The following CNBD1 variants were observed in gnomAD, a reference collection of about 807,000 sequenced individuals.
CNBD1 encodes cyclic nucleotide-binding domain-containing protein 1.
Under a neutral mutation model 54.4 loss-of-function variants are expected in CNBD1, and 71 were observed. The observed-to-expected ratio is 1.30, with a 90% CI of 1.08 to 1.59. The LOEUF is 1.59. Among genes scored for constraint, CNBD1 ranks in the 40% most tolerant of loss-of-function variants. The pLI is 0.00. For missense variants in CNBD1, 659 were observed against 518.0 expected (o/e 1.27, Z -2.64); for synonymous variants, 182 against 170.7 (o/e 1.07, Z -0.51).
intron 2 of CNBD1, among the ~76,000 whole-genome samples, chr8:87,388,354 T>A (rs1811235766): frequency 8.0e-6 from 1 of 124,746 alleles, no homozygotes; most frequent in Admixed American, 7.6e-5. Context: ...GATAGACCGC[T>A]AGAAAGACTA....
At position 87,353,548 on chromosome 8, in the gene CNBD1, G is replaced by T. The variant is rs1810349466; in HGVS notation, c.1153-88G>T. The T allele has an allele frequency of 4.8e-6, 4 of 829,384 alleles. No individual in the cohort carries two copies. The East Asian group carries it at 8.4e-5, about 17-fold the overall frequency. The allele number at this position is 829,384 out of a possible 1,614,324, so 51.4% of individuals were successfully genotyped here. ...ATTTTAAATATCATTTAGTAAAATGGTTTATGAGTGAGTTTCTGATAAAAA... is the reference window on the plus strand; with the variant it reads ...ATTTTAAATATCATTTAGTAAAATGTTTTATGAGTGAGTTTCTGATAAAAA... On this transcript the variant is annotated intron_variant, in intron 9 of 10. Transcript: ENST00000518476.
chr8:86,876,613 G>A (rs1007328094), intron 1 of CNBD1, among the ~76,000 whole-genome samples: 1 of 150,048 alleles, frequency 6.7e-6, no homozygotes, highest in Non-Finnish European at 1.5e-5. Context: ...TAATTTTCTT[G>A]TACTACTTGA....
intron 3 of CNBD1, among the ~76,000 whole-genome samples, chr8:86,920,249 A>G (rs1169644279): frequency 2.6e-5 from 4 of 152,154 alleles, no homozygotes; most frequent in African/African-American, 9.7e-5. Flanking sequence ...GTATATTTTA[A>G]TTTAGGATCT....
downstream of CNBD1, among the ~76,000 whole-genome samples, chr8:87,386,106 C>T (rs1034899493): frequency 1.3e-5 from 2 of 152,108 alleles, no homozygotes; most frequent in Admixed American, 6.5e-5. Context: ...ACCAAAACCC[C>T]ATCTGTGCAT....
In CNBD1 at chr8:87,111,896, G is replaced by A. The variant is rs546072189; in HGVS notation, c.432-94097G>A. 5.3e-5 allele frequency among the ~76,000 whole-genome samples: 8 copies of A among 152,174 alleles called. No homozygotes were observed. The South Asian group carries it at 1.2e-3, about 24-fold the overall frequency. On this transcript the variant is annotated intron_variant, in intron 4 of 10. Coordinates refer to ENST00000518476, the MANE Select transcript of CNBD1 (RefSeq NM_173538.3). ...TTACATGTCTCTGATATTTGGGGAAGCCATTATCTCCATTACTACCAGGGA... is the reference window on the plus strand; with the variant it reads ...TTACATGTCTCTGATATTTGGGGAAACCATTATCTCCATTACTACCAGGGA...
At chr8:87,049,858 G>A (rs1029141334) in intron 4 of CNBD1, among the ~76,000 whole-genome samples, 3 of 152,126 alleles carry the variant, frequency 2.0e-5, no homozygotes, top group African/African-American at 7.2e-5. Context: ...GGTTAACTTG[G>A]TGGCCTCTGG....
chr8:87,079,810 G>T lies in CNBD1; in HGVS notation c.432-126183G>T, dbSNP rs534247944. 7.9e-5 allele frequency among the ~76,000 whole-genome samples: 12 copies of T among 152,194 alleles called. 1 individual carries two copies. In the South Asian group the frequency reaches 2.5e-3, roughly 31 times the overall value. ...TTAAAAAAGATCTTTTAAATAGCGG[G>T]ATACTTTTATTGTAATAAAGTTTAA... On this transcript the variant is annotated intron_variant, in intron 4 of 10. Transcript: ENST00000518476.
intron 4 of CNBD1, among the ~76,000 whole-genome samples, chr8:87,036,973 CTCT>C (rs1314288805): frequency 5.9e-5 from 9 of 152,198 alleles, no homozygotes; most frequent in South Asian, 2.1e-4. Flanking sequence ...CAAATGATGT[CTCT>C]TCTTCTCGCT....
rs145847446 is a variant in CNBD1 at position 87,005,437 on chromosome 8, T to C, written c.431+65683T>C. The stretch of plus-strand genomic sequence containing the variant: ...TAAGGAGAAGCAAAATTTGAAATAA[T>C]TTAACTTAATATTTCTCCTAGTTAA... On this transcript the variant is annotated intron_variant, in intron 4 of 10. Coordinates refer to ENST00000518476, the MANE Select transcript of CNBD1 (RefSeq NM_173538.3). Among the ~76,000 whole-genome samples, 786 of 152,124 alleles carry C rather than the reference T, an allele frequency of 5.2e-3. 8 individuals carry two copies. The highest frequency in any genetic ancestry group is 0.017 in the African/African-American group (725 of 41,498).
At chr8:87,247,209 C>T (rs888442385) in intron 6 of CNBD1, among the ~76,000 whole-genome samples, 1 of 152,150 alleles carries the variant, frequency 6.6e-6, no homozygotes, top group African/African-American at 2.4e-5. Flanking sequence ...TGATCTCAAG[C>T]AGTTGATTCG....
chr8:87,074,284 C>T (rs539787571), intron 4 of CNBD1, among the ~76,000 whole-genome samples: 3 of 152,196 alleles, frequency 2.0e-5, no homozygotes, highest in East Asian at 1.9e-4. Flanking sequence ...GGAACATGGT[C>T]CCATCTCAGG....
chr8:87,392,837 A>C (rs1223898815), intron 2 of CNBD1, among the ~76,000 whole-genome samples: 1 of 151,986 alleles, frequency 6.6e-6, no homozygotes, highest in East Asian at 1.9e-4. Context: ...AAAGCAGTTA[A>C]TATTTTTTCT....
At chr8:87,379,478 G>T (rs530373091) in intron 10 of CNBD1, among the ~76,000 whole-genome samples, 1 of 151,850 alleles carries the variant, frequency 6.6e-6, no homozygotes, top group East Asian at 1.9e-4. Flanking sequence ...CACATACTGG[G>T]AAGTAAAGCT....
At chr8:87,049,708 C>T (rs903635407) in intron 4 of CNBD1, among the ~76,000 whole-genome samples, 1 of 152,160 alleles carries the variant, frequency 6.6e-6, no homozygotes, top group African/African-American at 2.4e-5. Flanking sequence ...GGCAAGGGCA[C>T]ATTTTTAACT....
chr8:87,146,404 A>T (rs920257679), intron 4 of CNBD1, among the ~76,000 whole-genome samples: 1 of 152,174 alleles, frequency 6.6e-6, no homozygotes, highest in Non-Finnish European at 1.5e-5. Context: ...GAGGACACCA[A>T]TGAAATGGAT....
At chr8:87,092,423 A>ATGTG (rs1811226611) in intron 4 of CNBD1, among the ~76,000 whole-genome samples, 1 of 138,372 alleles carries the variant, frequency 7.2e-6, no homozygotes, top group African/African-American at 2.8e-5. Flanking sequence ...GTGTGTATGT[A>ATGTG]TGTATGTATG....
chr8:87,396,934 C>A (rs1586077754), intron 2 of CNBD1, among the ~76,000 whole-genome samples: 1 of 138,400 alleles, frequency 7.2e-6, no homozygotes, highest in African/African-American at 2.7e-5. Flanking sequence ...TCTGGAACTT[C>A]TTTTCATGTA....
At chr8:87,039,298 A>T (rs1810013639) in intron 4 of CNBD1, among the ~76,000 whole-genome samples, 1 of 152,180 alleles carries the variant, frequency 6.6e-6, no homozygotes, top group South Asian at 2.1e-4. Flanking sequence ...ATTTATAAGT[A>T]TATTTTCTAC....
At chr8:87,194,777 A>G (rs939535115) in intron 4 of CNBD1, among the ~76,000 whole-genome samples, 43 of 152,086 alleles carry the variant, frequency 2.8e-4, no homozygotes, top group African/African-American at 9.9e-4. Context: ...TATTTGATTT[A>G]CATTCAGGTT....
Sources: allele counts gnomAD v4.1 joint callset (sites outside exome capture counted in the v4.1 genomes callset), GRCh38; gene constraint gnomAD v4.1.1; transcripts MANE v1.5; gene names NCBI Gene and HGNC (gene_info 2026-07-23, HGNC 2026-07-21).